CCDC179: variants seen among roughly 807,000 people sequenced by gnomAD.
The protein encoded by CCDC179 is coiled-coil domain-containing protein 179.
A neutral mutation model predicts 12.0 loss-of-function variants in CCDC179; 17 were observed. The observed-to-expected ratio is 1.42, with a 90% CI of 0.97 to 2.13. The LOEUF (loss-of-function observed/expected upper bound fraction) is 2.13. Ranked by LOEUF, CCDC179 falls within the 30% of genes most tolerant of loss-of-function variation. CCDC179 has a pLI of 0.00. For missense variants in CCDC179, 83 were observed against 78.6 expected (o/e 1.06, Z -0.21); for synonymous variants, 27 against 26.4 (o/e 1.02, Z -0.07).
chr11:22,859,707 C>A (rs148898221), intron 1 of CCDC179, among the ~76,000 whole-genome samples: 1 of 151,878 alleles, frequency 6.6e-6, no homozygotes, highest in African/African-American at 2.4e-5. Context: ...AAGATGGAGA[C>A]GATATTATGA....
intron 1 of CCDC179, among the ~76,000 whole-genome samples, 160 bp downstream of exon 1, chr11:22,860,217 T>G (rs937432400): frequency 2.0e-5 from 3 of 152,152 alleles, no homozygotes; most frequent in Non-Finnish European, 4.4e-5. Flanking sequence ...GGTCCAGCAG[T>G]CAGGATGTAG....
At chr11:22,853,731 G>A (rs1471498910) in intron 3 of CCDC179, among the ~76,000 whole-genome samples, 1 of 150,262 alleles carries the variant, frequency 6.7e-6, no homozygotes, top group Admixed American at 6.6e-5. Flanking sequence ...GAAGGAAGAA[G>A]AAAGGAAGGA....
At chr11:22,860,000 C>T (rs1415741052) in intron 1 of CCDC179, among the ~76,000 whole-genome samples, 1 of 152,148 alleles carries the variant, frequency 6.6e-6, no homozygotes, top group Non-Finnish European at 1.5e-5. Flanking sequence ...TTAAATAACT[C>T]CTCCTTCACT....
chr11:22,856,828 G>A (rs1858539808), intron 3 of CCDC179, among the ~76,000 whole-genome samples: 1 of 151,498 alleles, frequency 6.6e-6, no homozygotes, highest in African/African-American at 2.4e-5. Context: ...ATTATAGTAA[G>A]ATTAGAGGAT....
Position 22,859,445 on chromosome 11 carries a change from A to T in CCDC179, c.90+7T>A, listed in dbSNP as rs1005058216. The T allele has an allele frequency of 1.8e-5, 27 of 1,486,714 alleles. No individual in the cohort carries two copies. The Admixed American group carries it at 3.7e-4, about 20-fold the overall frequency. 92.1% of individuals were successfully genotyped at this position (1,486,714 alleles called of 1,614,324 possible). On this transcript the variant is annotated splice_region_variant and intron_variant, in intron 2 of 3. Coordinates refer to ENST00000532798, the MANE Select transcript of CCDC179 (RefSeq NM_001195637.2). The stretch of plus-strand genomic sequence containing the variant: ...AACCAGAACCTAGTTCTTTATTTAA[A>T]CATTACCTGCCGCTCAGTGACCTCT...
chr11:22,847,505 C>A lies in CCDC179; in HGVS notation c.*5G>T. 1.4e-6 allele frequency: 2 copies of A among 1,434,920 alleles called. No homozygotes were observed. The highest frequency in any genetic ancestry group is 1.9e-6 in the Non-Finnish European group (2 of 1,080,746). The allele number at this position is 1,434,920 out of a possible 1,614,324, so 88.9% of individuals were successfully genotyped here. ...ATGGTTTCCTTCAAATAGACTCCTG[C>A]TTTATCAAGATGACCACTAGACAAG... On this transcript the variant is annotated 3_prime_UTR_variant, in exon 4 of 4. Coordinates refer to ENST00000532798, the MANE Select transcript of CCDC179 (RefSeq NM_001195637.2).
intron 3 of CCDC179, among the ~76,000 whole-genome samples, chr11:22,851,078 C>T (rs1477271069): frequency 4.2e-5 from 6 of 142,130 alleles, no homozygotes; most frequent in Admixed American, 7.2e-5. Flanking sequence ...CTCCACCTCC[C>T]AGGTTCACGC....
intron 3 of CCDC179, among the ~76,000 whole-genome samples, chr11:22,847,779 T>G (rs1420284746): frequency 6.6e-6 from 1 of 152,042 alleles, no homozygotes; most frequent in African/African-American, 2.4e-5. Context: ...ATAAAACAAT[T>G]CTCTATAAGT....
At chr11:22,857,840 A>G (rs1438289842) in intron 3 of CCDC179, 82 bp downstream of exon 3, 1 of 651,722 alleles carries the variant, frequency 1.5e-6, no homozygotes, top group South Asian at 3.6e-5. Context: ...AAGAAAATTT[A>G]TAGTGAATAT....
intron 3 of CCDC179, among the ~76,000 whole-genome samples, chr11:22,850,101 C>A (rs1256981991): frequency 7.2e-5 from 11 of 152,276 alleles, no homozygotes; most frequent in African/African-American, 2.6e-4. Flanking sequence ...TTGGCCATTG[C>A]CATCTTCTCT....
chr11:22,857,191 G>C (rs1858547598), intron 3 of CCDC179, among the ~76,000 whole-genome samples: 1 of 151,520 alleles, frequency 6.6e-6, no homozygotes, highest in African/African-American at 2.4e-5. Flanking sequence ...TATTGAAAGG[G>C]AAAAGTTCCA....
intron 3 of CCDC179, among the ~76,000 whole-genome samples, chr11:22,850,960 A>G (rs1564915024): frequency 1.5e-4 from 1 of 6,714 alleles, no homozygotes; most frequent in Non-Finnish European, 6.1e-4. Flanking sequence ...ATATATATAT[A>G]TATATATATA....
intron 3 of CCDC179, among the ~76,000 whole-genome samples, chr11:22,852,396 GA>G (rs1357334923): frequency 6.6e-6 from 1 of 152,190 alleles, no homozygotes; most frequent in East Asian, 1.9e-4. Context: ...AGAGTGGCCT[GA>G]ATTCTGCTAA....
intron 3 of CCDC179, among the ~76,000 whole-genome samples, chr11:22,854,228 T>C (rs1464268349): frequency 6.6e-6 from 1 of 151,788 alleles, no homozygotes; most frequent in South Asian, 2.1e-4. Flanking sequence ...AGGAAAATGT[T>C]GTAAGTCAGA....
chr11:22,847,883 G>A (rs1363849512), intron 3 of CCDC179, among the ~76,000 whole-genome samples: 1 of 152,080 alleles, frequency 6.6e-6, no homozygotes, highest in African/African-American at 2.4e-5. Context: ...TAATAGATGT[G>A]ATAGAGATGT....
At chr11:22,850,563 T>C (rs1858352271) in intron 3 of CCDC179, among the ~76,000 whole-genome samples, 1 of 151,640 alleles carries the variant, frequency 6.6e-6, no homozygotes, top group Non-Finnish European at 1.5e-5. Flanking sequence ...CATGTGTAAG[T>C]GTCTTTTTAA....
At chr11:22,852,834 G>A (rs1272706221) in intron 3 of CCDC179, among the ~76,000 whole-genome samples, 1 of 152,106 alleles carries the variant, frequency 6.6e-6, no homozygotes, top group African/African-American at 2.4e-5. Context: ...TTGATAAATT[G>A]GCTCTATCTG....
Position 22,847,459 on chromosome 11 carries a change from C to A in CCDC179, c.*51G>T. On this transcript the variant is annotated 3_prime_UTR_variant, in exon 4 of 4. Transcript: ENST00000532798. ...TGATATGTCACTTGATGTTCACAAT[C>A]CACATATTTCTGTCTGGAGCATGGT... 1.6e-6 allele frequency: 2 copies of A among 1,235,190 alleles called. No individual in the cohort carries two copies. Among genetic ancestry groups the A allele is most frequent in the East Asian group, 2.7e-5 (1 of 36,456 alleles). 76.5% of individuals were successfully genotyped at this position (1,235,190 alleles called of 1,614,324 possible).
At chr11:22,853,903 C>T (rs1162839354) in intron 3 of CCDC179, among the ~76,000 whole-genome samples, 1 of 151,758 alleles carries the variant, frequency 6.6e-6, no homozygotes, top group African/African-American at 2.4e-5. Context: ...ATTTAAACTG[C>T]AAAAGAATCA....
Sources: gnomAD v4.1 joint callset for allele counts (sites outside exome capture counted in the v4.1 genomes callset) on GRCh38, gnomAD v4.1.1 for gene constraint, MANE v1.5 for transcripts, NCBI Gene and HGNC (gene_info 2026-07-23, HGNC 2026-07-21) for gene names.